The following PHTF2 variants were observed in gnomAD, a reference collection of about 807,000 sequenced individuals.
The protein encoded by PHTF2 is putative homeodomain transcription factor 2.
PHTF2 carries 60 observed loss-of-function variants against 101.2 expected under a neutral mutation model. The ratio of observed to expected loss-of-function variants is 0.59; its 90% CI spans 0.48 to 0.73. The LOEUF (loss-of-function observed/expected upper bound fraction) is 0.73, where lower values mean the gene tolerates loss of function less well. PHTF2 is among the 30% of genes least tolerant of loss of function. The probability of loss-of-function intolerance (pLI) is 0.00; values close to 1 mark genes in which losing one functional copy is unlikely to be tolerated. For synonymous variants in PHTF2, 311 were observed against 307.3 expected, an observed-to-expected ratio of 1.01 and a Z score of -0.13; for missense variants, 747 against 908.7, an observed-to-expected ratio of 0.82 and a Z score of 2.29.
chr7:77,942,799 G>C lies in PHTF2; in HGVS notation c.1959+13G>C. ...CTGTTGTGCCCAGGTGAGTTAACTC[G>C]CTCCATGTAGAAATTAACCAGATAT... On this transcript the variant is annotated intron_variant, in intron 16 of 19. Transcript: ENST00000416283. The C allele has an allele frequency of 7.5e-7, 1 of 1,335,852 alleles. No individual in the cohort carries two copies. The highest frequency in any genetic ancestry group is 1.0e-6 in the Non-Finnish European group (1 of 953,900). 82.7% of individuals were successfully genotyped at this position (1,335,852 alleles called of 1,614,324 possible). A position where few individuals can be genotyped will look rare whatever the true frequency, so the allele number is the denominator to read the frequency against.
intron 12 of PHTF2, among the ~76,000 whole-genome samples, chr7:77,935,672 A>C (rs575270633): frequency 6.6e-6 from 1 of 152,298 alleles, no homozygotes; most frequent in South Asian, 2.1e-4. Flanking sequence ...GAGGACAATG[A>C]GAATGTCCTG....
chr7:77,854,603 A>C, intron 2 of PHTF2: 1 of 625,924 alleles, frequency 1.6e-6, no homozygotes, highest in Non-Finnish European at 2.9e-6. Context: ...CAGAAATGCC[A>C]TCCAGGAGCC....
exon 12 of PHTF2, chr7:77,929,261 A>C (rs1804343252): frequency 6.2e-7 from 1 of 1,611,524 alleles, no homozygotes; most frequent in Admixed American, 1.7e-5. Context: ...CCAGTGAGAC[A>C]GATGTGGAAA....
intron 12 of PHTF2, among the ~76,000 whole-genome samples, chr7:77,931,566 A>G (rs1470867207): frequency 6.6e-6 from 1 of 152,218 alleles, no homozygotes; most frequent in Non-Finnish European, 1.5e-5. Flanking sequence ...TTAAAACCTG[A>G]TAAATTTCAA....
Position 77,820,561 on chromosome 7 carries a change from A to G in PHTF2, c.-35-19660A>G, listed in dbSNP as rs1370580289. Among the ~76,000 whole-genome samples the G allele has an allele frequency of 3.9e-5, 6 of 152,004 alleles. No individual in the cohort carries two copies. In the East Asian group the frequency reaches 1.2e-3, roughly 29 times the overall value. On this transcript the variant is annotated intron_variant, in intron 1 of 19. Coordinates refer to ENST00000416283, the Ensembl canonical transcript of PHTF2. The stretch of plus-strand genomic sequence containing the variant: ...GTGTGTGTTTGTGTATACGTATATT[A>G]GAGATAGAGTTTTGCTTTGTTGCCC...
intron 16 of PHTF2, among the ~76,000 whole-genome samples, chr7:77,944,784 C>A (rs1562973342): frequency 6.6e-6 from 1 of 152,124 alleles, no homozygotes; most frequent in Non-Finnish European, 1.5e-5. Context: ...GAAAAAAGAA[C>A]AGATAAGTTT....
chr7:77,867,336 A>T (rs540696374), intron 3 of PHTF2, among the ~76,000 whole-genome samples: 1 of 152,162 alleles, frequency 6.6e-6, no homozygotes, highest in African/African-American at 2.4e-5. Context: ...GTGGATGGAT[A>T]TTAATGAAAT....
At chr7:77,845,073 T>C (rs1361630545) in intron 2 of PHTF2, among the ~76,000 whole-genome samples, 2 of 152,240 alleles carry the variant, frequency 1.3e-5, no homozygotes, top group Non-Finnish European at 2.9e-5. Context: ...GGCAAAATAC[T>C]CTGCTTTCAT....
chr7:77,923,557 CT>C, intron 11 of PHTF2: 1 of 985,338 alleles, frequency 1.0e-6, no homozygotes, highest in Non-Finnish European at 1.2e-6. Flanking sequence ...GGTTGTGTCT[CT>C]GGTTAATCTT....
At chr7:77,898,639 C>T (rs895951401) in intron 5 of PHTF2, among the ~76,000 whole-genome samples, 1 of 152,160 alleles carries the variant, frequency 6.6e-6, no homozygotes, top group Admixed American at 6.5e-5. Flanking sequence ...TGAATTAGTG[C>T]ATACTGAACC....
intron 9 of PHTF2, among the ~76,000 whole-genome samples, chr7:77,917,239 T>A (rs895393741): frequency 2.0e-5 from 3 of 152,230 alleles, no homozygotes; most frequent in Non-Finnish European, 4.4e-5. Flanking sequence ...GTATCAGTCT[T>A]TGAGCATTTC....
At chr7:77,919,514 G>T (rs1440550982) in intron 9 of PHTF2, among the ~76,000 whole-genome samples, 1 of 151,874 alleles carries the variant, frequency 6.6e-6, no homozygotes, top group African/African-American at 2.4e-5. Context: ...GTTTCCTTTG[G>T]ATAACTGTTC....
intron 1 of PHTF2, among the ~76,000 whole-genome samples, chr7:77,810,784 C>A (rs945756770): frequency 3.5e-4 from 53 of 150,366 alleles, no homozygotes; most frequent in African/African-American, 1.3e-3. Flanking sequence ...GTGATCCACC[C>A]ACCTTGGCCT....
intron 1 of PHTF2, among the ~76,000 whole-genome samples, chr7:77,832,998 G>GTC (rs142839828): frequency 0.022 from 3,354 of 152,096 alleles, 50 homozygotes; most frequent in Middle Eastern, 0.068. Flanking sequence ...TAGGACAATC[G>GTC]TAACAGTATA....
intron 16 of PHTF2, among the ~76,000 whole-genome samples, chr7:77,947,837 C>CTTTCTTTTTTTTTTTT (rs750628047): frequency 1.4e-5 from 1 of 73,806 alleles, no homozygotes; most frequent in Non-Finnish European, 2.4e-5. Context: ...TTTTTTCTTT[C>CTTTCTTTTTTTTTTTT]TTTTTTTTTT....
At chr7:77,838,107 GACAA>G (rs1387966914) in intron 1 of PHTF2, among the ~76,000 whole-genome samples, 4 of 152,162 alleles carry the variant, frequency 2.6e-5, no homozygotes, top group African/African-American at 9.7e-5. Context: ...CAGTTGTCAT[GACAA>G]ACAAATACAA....
intron 11 of PHTF2, chr7:77,923,239 C>G: frequency 2.3e-6 from 2 of 882,902 alleles, no homozygotes; most frequent in African/African-American, 1.8e-5. Context: ...TTTATTTTCT[C>G]TAAACCCTTT....
intron 3 of PHTF2, among the ~76,000 whole-genome samples, chr7:77,879,490 A>C (rs955622395): frequency 6.6e-6 from 1 of 152,096 alleles, no homozygotes; most frequent in Non-Finnish European, 1.5e-5. Flanking sequence ...CCTTTCTTCC[A>C]TTCCCTCCCT....
chr7:77,817,665 T>C (rs1225462456), intron 1 of PHTF2, among the ~76,000 whole-genome samples: 1 of 152,224 alleles, frequency 6.6e-6, no homozygotes, highest in African/African-American at 2.4e-5. Context: ...AGATGAGATT[T>C]GGGTGGGAAC....
Sources: allele counts gnomAD v4.1 joint callset (sites outside exome capture counted in the v4.1 genomes callset), GRCh38; gene constraint gnomAD v4.1.1; transcripts MANE v1.5; gene names NCBI Gene and HGNC (gene_info 2026-07-23, HGNC 2026-07-21).